REL: variants seen among roughly 807,000 people sequenced by gnomAD.
REL encodes proto-oncogene c-Rel.
Under a neutral mutation model 45.9 loss-of-function variants are expected in REL, and 15 were observed. The observed-to-expected ratio is 0.33, with a 90% CI of 0.22 to 0.50. The LOEUF (loss-of-function observed/expected upper bound fraction) is 0.50. Among genes scored for constraint, REL ranks in the 20% least tolerant of loss-of-function variants. REL has a pLI of 0.98. For missense variants in REL, 601 were observed against 715.2 expected (o/e 0.84, Z 1.82); for synonymous variants, 239 against 242.1 (o/e 0.99, Z 0.12).
chr2:60,883,802 A>T (rs1006695581), intron 1 of REL, among the ~76,000 whole-genome samples: 2 of 151,868 alleles, frequency 1.3e-5, no homozygotes, highest in African/African-American at 4.8e-5. Context: ...ATGTTTAAAG[A>T]AATGGAAAGT....
intron 2 of REL, 79 bp downstream of exon 2, chr2:60,891,904 G>C: frequency 7.8e-7 from 1 of 1,288,354 alleles, no homozygotes; most frequent in Non-Finnish European, 1.0e-6. Context: ...TAAAGGGCCA[G>C]TTTCTTCACA....
At chr2:60,908,442 T>G (rs1673721388) in intron 4 of REL, among the ~76,000 whole-genome samples, 1 of 152,204 alleles carries the variant, frequency 6.6e-6, no homozygotes, top group African/African-American at 2.4e-5. Context: ...ACTGTCAAAT[T>G]TGAGGCTTCA....
chr2:60,894,553 C>A lies in REL; in HGVS notation c.302+8C>A. ...AGAACGCAGACCTTTGTTGTAAGTA[C>A]ACAGTTACAGACATCTTCAGAAATA... On this transcript the variant is annotated splice_region_variant and intron_variant, in intron 3 of 9. Transcript: ENST00000394479. 6.4e-7 allele frequency: 1 copy of A among 1,572,586 alleles called. No homozygotes were observed. The highest frequency in any genetic ancestry group is 8.6e-7 in the Non-Finnish European group (1 of 1,159,032).
Position 60,928,627 on chromosome 2 carries a change from A to G in REL, c.*6092A>G, listed in dbSNP as rs1324227959. 7.7e-6 allele frequency: 1 copy of G among 129,642 alleles called. No individual in the cohort carries two copies. Among genetic ancestry groups the G allele is most frequent in the Non-Finnish European group, 1.7e-5 (1 of 60,520 alleles). The allele number at this position is 129,642 out of a possible 1,614,324, so 8.0% of individuals were successfully genotyped here. On this transcript the variant is annotated 3_prime_UTR_variant, in exon 10 of 10. Transcript: ENST00000394479. ...GGGAAAACTGGCTAGCCATATGTAG[A>G]AAGCTGAAACTGGATCCCTTCCTTA...
intron 1 of REL, among the ~76,000 whole-genome samples, chr2:60,889,863 G>C (rs1461804067): frequency 6.6e-6 from 1 of 152,114 alleles, no homozygotes; most frequent in Non-Finnish European, 1.5e-5. Flanking sequence ...GGACATTTGG[G>C]TTGGTTCCAA....
intron 4 of REL, among the ~76,000 whole-genome samples, chr2:60,908,850 A>G (rs1673729721): frequency 6.6e-6 from 1 of 152,214 alleles, no homozygotes; most frequent in African/African-American, 2.4e-5. Flanking sequence ...TGAGTTTGGG[A>G]AAACTACATT....
intron 4 of REL, among the ~76,000 whole-genome samples, chr2:60,910,887 A>G (rs842617): frequency 0.091 from 13,886 of 152,174 alleles, 711 homozygotes; most frequent in Middle Eastern, 0.13. Context: ...AGCCAAGATC[A>G]CAACACTGCA....
chr2:60,918,627 T>C (rs1573344420), intron 7 of REL, 21 bp downstream of exon 7: 1 of 1,526,350 alleles, frequency 6.6e-7, no homozygotes, highest in African/African-American at 1.4e-5. Flanking sequence ...TTGCTGGTAA[T>C]AATTTATATA....
chr2:60,892,738 C>A lies in REL; in HGVS notation c.153+913C>A, dbSNP rs1053753676. ...AGCCACTGCGTCCAGCCAAGATGTA[C>A]TAAATTTATTTATTTTTTTATTTTT... On this transcript the variant is annotated intron_variant, in intron 2 of 9. Transcript: ENST00000394479. 2.0e-5 allele frequency among the ~76,000 whole-genome samples: 3 copies of A among 151,744 alleles called. No individual in the cohort carries two copies. In the East Asian group the frequency reaches 5.8e-4, roughly 30 times the overall value.
chr2:60,914,453 T>C (rs963683480), intron 4 of REL, among the ~76,000 whole-genome samples: 1 of 152,238 alleles, frequency 6.6e-6, no homozygotes, highest in African/African-American at 2.4e-5. Context: ...AGTAGAACTA[T>C]TATGTGACTA....
chr2:60,907,191 A>G (rs1673684999), intron 4 of REL, among the ~76,000 whole-genome samples: 1 of 149,788 alleles, frequency 6.7e-6, no homozygotes. Flanking sequence ...GAGTACTGGG[A>G]TTACAGGCGT....
chr2:60,895,838 G>A (rs6545836), intron 3 of REL, among the ~76,000 whole-genome samples: 32,427 of 151,918 alleles, frequency 0.21, 3,620 homozygotes, highest in Middle Eastern at 0.35. Flanking sequence ...CTTTGTAATG[G>A]CAAAAAGCTA....
At chr2:60,901,133 GTTTC>G in intron 4 of REL, 50 bp downstream of exon 4, 1 of 1,033,858 alleles carries the variant, frequency 9.7e-7, no homozygotes, top group South Asian at 2.0e-5. Flanking sequence ...GTTGATTTCT[GTTTC>G]TTTTTTCTTT....
chr2:60,918,630 T>C, intron 7 of REL, 24 bp downstream of exon 7: 1 of 1,522,820 alleles, frequency 6.6e-7, no homozygotes, highest in South Asian at 1.1e-5. Context: ...CTGGTAATAA[T>C]TTATATATTT....
chr2:60,904,831 A>G (rs1405011528), intron 4 of REL, among the ~76,000 whole-genome samples: 1 of 152,172 alleles, frequency 6.6e-6, no homozygotes, highest in Non-Finnish European at 1.5e-5. Flanking sequence ...TCAAGGCTGC[A>G]GTGAACGGTG....
chr2:60,890,870 G>A (rs1296088482), intron 1 of REL, among the ~76,000 whole-genome samples: 2 of 151,982 alleles, frequency 1.3e-5, no homozygotes, highest in Non-Finnish European at 2.9e-5. Context: ...CATATCCTAG[G>A]GTTTCATATA....
At position 60,926,493 on chromosome 2, in the gene REL, ACTC is replaced by A. The variant is rs1644294494; in HGVS notation, c.*3962_*3964del. The A allele has an allele frequency of 4.3e-6, 1 of 230,078 alleles. No homozygotes were observed. Among genetic ancestry groups the A allele is most frequent in the African/African-American group, 2.2e-5 (1 of 44,542 alleles). 14.3% of individuals were successfully genotyped at this position (230,078 alleles called of 1,614,324 possible). Reference sequence around the variant, plus strand: ...ACCTCCTATACTTCCCTCTTTGCATACTCCTCTGGGTTTTCTGTGGTAGTCAAG... The same window carrying A: ...ACCTCCTATACTTCCCTCTTTGCATACTCTGGGTTTTCTGTGGTAGTCAAG... On this transcript the variant is annotated 3_prime_UTR_variant, in exon 10 of 10. Coordinates refer to ENST00000394479, the MANE Select transcript of REL (RefSeq NM_001291746.2).
At position 60,929,590 on chromosome 2, in the gene REL, A is replaced by C. The variant is rs1674343464; in HGVS notation, c.*7055A>C. On this transcript the variant is annotated 3_prime_UTR_variant, in exon 10 of 10. Coordinates refer to ENST00000394479, the MANE Select transcript of REL (RefSeq NM_001291746.2). ...GCAAGAACAAGAAACCAAACACCACATATTCTCACTCATAGGTGGGAATTG... is the reference window on the plus strand; with the variant it reads ...GCAAGAACAAGAAACCAAACACCACCTATTCTCACTCATAGGTGGGAATTG... 6.6e-6 allele frequency: 1 copy of C among 150,438 alleles called. No individual in the cohort carries two copies. The highest frequency in any genetic ancestry group is 6.7e-5 in the Admixed American group (1 of 14,970). 9.3% of individuals were successfully genotyped at this position (150,438 alleles called of 1,614,324 possible).
chr2:60,906,701 A>C (rs781151757), intron 4 of REL, among the ~76,000 whole-genome samples: 2 of 151,916 alleles, frequency 1.3e-5, no homozygotes, highest in Non-Finnish European at 1.5e-5. Context: ...TTATACATGC[A>C]GTTCCTTTGC....
Sources: allele counts gnomAD v4.1 joint callset (sites outside exome capture counted in the v4.1 genomes callset), GRCh38; gene constraint gnomAD v4.1.1; transcripts MANE v1.5; gene names NCBI Gene and HGNC (gene_info 2026-07-23, HGNC 2026-07-21).